The following GALNT9 variants were observed in gnomAD, a reference collection of about 807,000 sequenced individuals.
GALNT9 encodes GalNAc transferase 9.
GALNT9 carries 47 observed loss-of-function variants against 63.1 expected under a neutral mutation model. That is an observed-to-expected ratio of 0.75 (90% CI 0.59 to 0.95). The LOEUF is 0.95. GALNT9 is among the 40% of genes least tolerant of loss of function. The pLI is 0.00. For missense variants in GALNT9, 829 were observed against 874.8 expected (o/e 0.95, Z 0.66); for synonymous variants, 396 against 365.7 (o/e 1.08, Z -0.94).
At chr12:132,328,067 T>C (rs1362958890) in intron 1 of GALNT9, among the ~76,000 whole-genome samples, 3 of 152,192 alleles carry the variant, frequency 2.0e-5, no homozygotes, top group African/African-American at 7.2e-5. Flanking sequence ...CAGCTAGTGA[T>C]GTAGGCACAT....
rs147454063 is a variant in GALNT9, at chr12:132,320,255, C to T, written c.238+8711G>A. The stretch of plus-strand genomic sequence containing the variant: ...TAAACTCACACTGAGAGGCACAGAA[C>T]GCCCGGGGAGGGTGCTGCGTGCAGA... On this transcript the variant is annotated intron_variant, in intron 1 of 10. Coordinates refer to ENST00000328957, the MANE Select transcript of GALNT9 (RefSeq NM_001122636.2). Among the ~76,000 whole-genome samples the T allele has an allele frequency of 7.0e-3, 1,069 of 152,302 alleles. 8 individuals carry two copies. Among genetic ancestry groups the T allele is most frequent in the African/African-American group, 0.025 (1,019 of 41,568 alleles).
chr12:132,203,799 C>CGGCCCG lies in GALNT9; in HGVS notation c.1078-110_1078-109insCGGGCC. 10 of 1,186,824 alleles carry CGGCCCG rather than the reference C, an allele frequency of 8.4e-6. No individual in the cohort carries two copies. In the African/African-American group the frequency reaches 1.6e-4, roughly 19 times the overall value. The allele number at this position is 1,186,824 out of a possible 1,614,324, so 73.5% of individuals were successfully genotyped here. A position where few individuals can be genotyped will look rare whatever the true frequency, so the allele number is the denominator to read the frequency against. On this transcript the variant is annotated intron_variant, in intron 6 of 10. Transcript: ENST00000328957. ...GGGGCCCGGCCCTCTGTTCCTGGGG[C>CGGCCCG]ACCCCCACCACCGACGGGCCTGGTG...
intron 2 of GALNT9, chr12:132,277,866 C>A (rs960015219): frequency 1.3e-5 from 2 of 152,336 alleles, no homozygotes; most frequent in Non-Finnish European, 2.9e-5. Flanking sequence ...CAGGCCCCAC[C>A]CCACCGGCAC....
At chr12:132,275,938 G>T (rs782645742) in intron 2 of GALNT9, 1 of 152,542 alleles carries the variant, frequency 6.6e-6, no homozygotes, top group Non-Finnish European at 1.5e-5. Flanking sequence ...GTGGGAGAAG[G>T]GGGAGCTGGA....
intron 2 of GALNT9, among the ~76,000 whole-genome samples, chr12:132,268,478 T>C (rs1879740194): frequency 6.6e-6 from 1 of 152,216 alleles, no homozygotes; most frequent in South Asian, 2.1e-4. Context: ...CTTTGTGACC[T>C]TGGCTTAAGC....
chr12:132,292,352 C>T (rs1295835553), intron 1 of GALNT9, among the ~76,000 whole-genome samples: 1 of 152,184 alleles, frequency 6.6e-6, no homozygotes, highest in Admixed American at 6.5e-5. Context: ...CACTGCCTCC[C>T]CCCATCCCAC....
In GALNT9 at chr12:132,319,781, C is replaced by G. The variant is rs1267395144; in HGVS notation, c.238+9185G>C. On this transcript the variant is annotated intron_variant, in intron 1 of 10. Transcript: ENST00000328957. The surrounding 1 kb of genome is among the most constrained non-coding windows in gnomAD (Gnocchi z 5.2). ...TGCTCCTCCCGCAGCCCCACGTAGA[C>G]AGAAGACATTCCTCGGGCCTGGGTG... Among the ~76,000 whole-genome samples the G allele has an allele frequency of 1.3e-5, 2 of 152,214 alleles. No homozygotes were observed. Among genetic ancestry groups the G allele is most frequent in the African/African-American group, 4.8e-5 (2 of 41,456 alleles).
Position 132,257,695 on chromosome 12 carries a change from G to T in GALNT9, c.953C>A (p.Pro318His). 1 of 1,548,922 alleles carries T rather than the reference G, an allele frequency of 6.5e-7. No individual in the cohort carries two copies. Residue 318 changes from proline (P) to histidine (H), a missense_variant, in exon 5 of 11, where the codon CCC (proline) becomes CAC (histidine). Pro to His is a moderately conservative substitution (Grantham distance 77, BLOSUM62 -2). Transcript: ENST00000328957. ...DWLDRGDESAPIRTPAMIGCS... is the reference protein window; with the variant it reads ...DWLDRGDESAHIRTPAMIGCS... ...CCCTGAGGGCGCAGCTCACCTGATG[G>T]GTGCTGACTCGTCGCCGCGGTCCAG...
At chr12:132,214,761 C>T (rs961002335) in intron 6 of GALNT9, among the ~76,000 whole-genome samples, 2 of 152,170 alleles carry the variant, frequency 1.3e-5, no homozygotes, top group African/African-American at 2.4e-5. Context: ...TCACCAATGG[C>T]CATTGTCTCC....
chr12:132,198,755 G>A (rs1188594016), intron 9 of GALNT9, among the ~76,000 whole-genome samples: 2 of 152,160 alleles, frequency 1.3e-5, no homozygotes, highest in African/African-American at 4.8e-5. Context: ...AGGCTCAGGT[G>A]ATCCTCCTGC....
At position 132,246,848 on chromosome 12, in the gene GALNT9, C is replaced by T. The variant is rs1170145867; in HGVS notation, c.1077+1062G>A. ...GCCCGGCCTCACAGTATTATTTAAT[C>T]TGCCCAACCTGAGTTAAACAATCGC... On this transcript the variant is annotated intron_variant, in intron 6 of 10. Coordinates refer to ENST00000328957, the MANE Select transcript of GALNT9 (RefSeq NM_001122636.2). This position sits in a 1 kb window ranked among gnomAD's most constrained non-coding sequence, Gnocchi z 4.7. Among the ~76,000 whole-genome samples the T allele has an allele frequency of 6.6e-6, 1 of 152,194 alleles. No individual in the cohort carries two copies. The highest frequency in any genetic ancestry group is 2.4e-5 in the African/African-American group (1 of 41,450).
intron 6 of GALNT9, among the ~76,000 whole-genome samples, chr12:132,209,254 C>T (rs929332180): frequency 1.2e-4 from 18 of 151,978 alleles, no homozygotes; most frequent in East Asian, 5.8e-4. Context: ...AGGCCGGGTG[C>T]GGTGGCTCAC....
chr12:132,235,427 G>A (rs1234039896), intron 6 of GALNT9, among the ~76,000 whole-genome samples: 1 of 152,158 alleles, frequency 6.6e-6, no homozygotes, highest in Admixed American at 6.5e-5. Context: ...GGAGGAGAGA[G>A]CAGAGGGAGA....
rs559706481 is a variant in GALNT9, at chr12:132,315,884, G to A, written c.238+13082C>T. 6.6e-6 allele frequency among the ~76,000 whole-genome samples: 1 copy of A among 152,304 alleles called. No homozygotes were observed. The highest frequency in any genetic ancestry group is 1.9e-4 in the East Asian group (1 of 5,184). Reference sequence around the variant, plus strand: ...GGGGCTGCAATAAACCCCTGTGCTGGGCCCATTCCGAGATGCCAATGGGGA... The same window carrying A: ...GGGGCTGCAATAAACCCCTGTGCTGAGCCCATTCCGAGATGCCAATGGGGA... On this transcript the variant is annotated intron_variant, in intron 1 of 10. Coordinates refer to ENST00000328957, the MANE Select transcript of GALNT9 (RefSeq NM_001122636.2). The surrounding 1 kb of genome is among the most constrained non-coding windows in gnomAD (Gnocchi z 6.1).
At chr12:132,321,168 GCCTGTGGGTCCGGAGTCGAGGCC>G (rs1440088349) in intron 1 of GALNT9, among the ~76,000 whole-genome samples, 4 of 152,034 alleles carry the variant, frequency 2.6e-5, no homozygotes, top group Non-Finnish European at 4.4e-5. Flanking sequence ...GACTGAGGGT[GCCTGTGGGTCCGGAGTCGAGGCC>G]CCTGTTGGTC....
intron 6 of GALNT9, among the ~76,000 whole-genome samples, chr12:132,214,864 C>T (rs192173102): frequency 5.3e-5 from 8 of 152,376 alleles, no homozygotes; most frequent in South Asian, 4.1e-4. Context: ...TTCTGTGGCA[C>T]GCCATTCCTG....
At chr12:132,313,813 TC>T (rs1555245439) in intron 1 of GALNT9, among the ~76,000 whole-genome samples, 1 of 34,582 alleles carries the variant, frequency 2.9e-5, no homozygotes, top group Non-Finnish European at 5.3e-5. Flanking sequence ...CATCCACCCA[TC>T]CACCCACCCA....
chr12:132,250,708 T>C (rs1315444287), intron 5 of GALNT9, among the ~76,000 whole-genome samples: 2 of 152,176 alleles, frequency 1.3e-5, no homozygotes, highest in East Asian at 3.9e-4. Flanking sequence ...GGAGAATCAC[T>C]TGAACCTGGG....
At chr12:132,317,801 G>T (rs1350468752) in intron 1 of GALNT9, among the ~76,000 whole-genome samples, 1 of 152,208 alleles carries the variant, frequency 6.6e-6, no homozygotes. Flanking sequence ...AGGAGGAGGG[G>T]TATCGGTGGG....
Sources: allele counts gnomAD v4.1 joint callset (sites outside exome capture counted in the v4.1 genomes callset), GRCh38; gene constraint gnomAD v4.1.1; non-coding constraint Gnocchi (gnomAD v3.1); transcripts MANE v1.5; gene names NCBI Gene and HGNC (gene_info 2026-07-23, HGNC 2026-07-21).